The following MLIP variants were observed in gnomAD, a reference collection of about 807,000 sequenced individuals.
The protein encoded by MLIP is muscular LMNA-interacting protein.
MLIP carries 79 observed loss-of-function variants against 84.8 expected under a neutral mutation model. The ratio of observed to expected loss-of-function variants is 0.93; its 90% CI spans 0.78 to 1.12. The LOEUF is 1.12. Ranked by LOEUF, MLIP falls within the 50% of genes most tolerant of loss-of-function variation. MLIP has a pLI of 0.00. For synonymous variants in MLIP, 504 were observed against 463.0 expected (o/e 1.09, Z -1.14); for missense variants, 1,257 against 1,160.6 (o/e 1.08, Z -1.21).
intron 1 of MLIP, among the ~76,000 whole-genome samples, chr6:54,024,964 A>G (rs1002365694): frequency 2.0e-5 from 3 of 150,984 alleles, no homozygotes; most frequent in Non-Finnish European, 2.9e-5. Context: ...CAGTCTCCCG[A>G]GTAGCTGGGA....
intron 8 of MLIP, among the ~76,000 whole-genome samples, chr6:54,163,703 GT>G (rs1359746497): frequency 5.3e-5 from 8 of 151,730 alleles, no homozygotes; most frequent in African/African-American, 1.7e-4. Context: ...TATTAGTATT[GT>G]TTTGAACTTT....
At chr6:54,041,937 T>C (rs1033997356) in intron 1 of MLIP, among the ~76,000 whole-genome samples, 3 of 152,106 alleles carry the variant, frequency 2.0e-5, no homozygotes, top group African/African-American at 7.2e-5. Context: ...TCATATATGT[T>C]CACATTCCAC....
chr6:54,255,174 A>G (rs567464646), intron 12 of MLIP, among the ~76,000 whole-genome samples: 38 of 152,188 alleles, frequency 2.5e-4, no homozygotes, highest in Non-Finnish European at 5.0e-4. Flanking sequence ...TTTTTCCTGC[A>G]TAACTTCCCA....
rs1241727529 is a variant in MLIP, at chr6:54,145,649, G to A, written c.2218-3407G>A. Among the ~76,000 whole-genome samples, 4 of 151,982 alleles carry A rather than the reference G, an allele frequency of 2.6e-5. No individual in the cohort carries two copies. The South Asian group carries it at 6.2e-4, about 24-fold the overall frequency. On this transcript the variant is annotated intron_variant, in intron 4 of 13. Transcript: ENST00000502396. ...AAATTAGCTGGGTATGCTGCCACAT[G>A]CCTGTATTACCAGATGCTCTGGAGG...
At chr6:54,148,072 C>A (rs1265078747) in intron 4 of MLIP, among the ~76,000 whole-genome samples, 1 of 152,102 alleles carries the variant, frequency 6.6e-6, no homozygotes, top group Non-Finnish European at 1.5e-5. Flanking sequence ...ATCTATAAAA[C>A]CCAAGGTTTA....
At chr6:54,122,935 CT>C (rs543020753) in intron 2 of MLIP, among the ~76,000 whole-genome samples, 5,851 of 144,826 alleles carry the variant, frequency 0.04, 326 homozygotes, top group African/African-American at 0.13. Context: ...CATTTATATT[CT>C]TTTTTTTTTT....
At chr6:54,191,922 G>A (rs893156153) in intron 10 of MLIP, among the ~76,000 whole-genome samples, 2 of 151,534 alleles carry the variant, frequency 1.3e-5, no homozygotes, top group African/African-American at 4.8e-5. Flanking sequence ...ATGTGTAGGT[G>A]TGTATTTTAC....
At chr6:54,251,441 CATATATATAT>C (rs148476876) in intron 12 of MLIP, among the ~76,000 whole-genome samples, 6 of 88,950 alleles carry the variant, frequency 6.7e-5, no homozygotes, top group South Asian at 5.7e-4. Flanking sequence ...TGAAACAAGC[CATATATATAT>C]ATATATATAT....
chr6:54,240,846 C>G (rs974099621), intron 12 of MLIP, among the ~76,000 whole-genome samples: 1 of 152,042 alleles, frequency 6.6e-6, no homozygotes, highest in African/African-American at 2.4e-5. Context: ...CGTGGTGGCA[C>G]GCACCTGTAG....
chr6:54,094,585 TCTGA>T (rs1768083146), intron 1 of MLIP, among the ~76,000 whole-genome samples: 1 of 151,076 alleles, frequency 6.6e-6, no homozygotes, highest in Non-Finnish European at 1.5e-5. Context: ...TTGTCTTCTT[TCTGA>T]CTTTTTTTTT....
chr6:54,232,696 T>A (rs1486614811), intron 12 of MLIP, among the ~76,000 whole-genome samples: 1 of 152,250 alleles, frequency 6.6e-6, no homozygotes, highest in Non-Finnish European at 1.5e-5. Context: ...ACTTTTTCTT[T>A]TTACTTGAAA....
rs1045316600 is a variant in MLIP at position 54,194,734 on chromosome 6, C to G, written c.2589+4820C>G. The stretch of plus-strand genomic sequence containing the variant: ...TTATCTCATTAGGTTCTCGAATCAC[C>G]TTGGAGTTAGTATGGCAGGAATTGT... On this transcript the variant is annotated intron_variant, in intron 10 of 13. Transcript: ENST00000502396. Among the ~76,000 whole-genome samples, 3 of 151,000 alleles carry G rather than the reference C, an allele frequency of 2.0e-5. No homozygotes were observed. The Admixed American group carries it at 2.0e-4, about 10-fold the overall frequency.
chr6:54,205,107 A>G (rs1223555713), intron 11 of MLIP, among the ~76,000 whole-genome samples: 1 of 152,228 alleles, frequency 6.6e-6, no homozygotes, highest in Non-Finnish European at 1.5e-5. Context: ...AGCTTTAACT[A>G]TCATCTCATT....
At chr6:54,165,343 T>C (rs1453981565) in intron 8 of MLIP, among the ~76,000 whole-genome samples, 1 of 151,914 alleles carries the variant, frequency 6.6e-6, no homozygotes, top group African/African-American at 2.4e-5. Flanking sequence ...CCAGTCGTCA[T>C]TGCTGAGAAG....
chr6:54,156,765 AC>A (rs1334327456), intron 5 of MLIP, among the ~76,000 whole-genome samples: 2 of 152,090 alleles, frequency 1.3e-5, no homozygotes, highest in Admixed American at 1.3e-4. Flanking sequence ...TTCACTAAGC[AC>A]CTATCATATT....
intron 11 of MLIP, among the ~76,000 whole-genome samples, chr6:54,229,004 C>T (rs768174590): frequency 3.9e-5 from 6 of 152,118 alleles, no homozygotes; most frequent in Non-Finnish European, 8.8e-5. Flanking sequence ...GCATATGTTC[C>T]ATTAAAGCTA....
Position 54,137,398 on chromosome 6 carries a change from C to G in MLIP, c.1329C>G (p.Ser443=), listed in dbSNP as rs1387986903. The change falls in exon 4 of 14, where the codon TCC becomes TCG. Residue 443 remains serine, a synonymous_variant. Coordinates refer to ENST00000502396, the MANE Select transcript of MLIP (RefSeq NM_001281747.2). Reference sequence around the variant, plus strand: ...CCTGTCCCACCTTCTCTCTCAACTCCCCGGCCTCTTCCACGCTCACACTTG... The same window carrying G: ...CCTGTCCCACCTTCTCTCTCAACTCGCCGGCCTCTTCCACGCTCACACTTG... ...PASCPTFSLN[S]PASSTLTLDQ... is the part of the protein sequence containing the mutation. 1 of 1,536,130 alleles carries G rather than the reference C, an allele frequency of 6.5e-7. No individual in the cohort carries two copies.
intron 1 of MLIP, among the ~76,000 whole-genome samples, chr6:54,054,306 G>A (rs1025761551): frequency 1.3e-5 from 2 of 151,950 alleles, no homozygotes; most frequent in Admixed American, 6.6e-5. Flanking sequence ...TGTAATAGAT[G>A]GAAGACACTG....
intron 1 of MLIP, among the ~76,000 whole-genome samples, chr6:54,117,090 G>A (rs1205094503): frequency 6.6e-6 from 1 of 151,846 alleles, no homozygotes. Context: ...TAGACAGAAT[G>A]TACCTCAACA....
Sources: allele counts gnomAD v4.1 joint callset (sites outside exome capture counted in the v4.1 genomes callset), GRCh38; gene constraint gnomAD v4.1.1; transcripts MANE v1.5; gene names NCBI Gene and HGNC (gene_info 2026-07-23, HGNC 2026-07-21).